The following THSD7A variants were observed in gnomAD, a reference collection of about 807,000 sequenced individuals.
THSD7A encodes thrombospondin type 1 domain containing 7A.
THSD7A carries 96 observed loss-of-function variants against 231.3 expected under a neutral mutation model. That is an observed-to-expected ratio of 0.41 (90% CI 0.35 to 0.49). The LOEUF is 0.49. THSD7A is among the 20% of genes least tolerant of loss of function. THSD7A has a pLI of 0.05. For missense variants in THSD7A, 2,290 were observed against 2,070.2 expected (o/e 1.11, Z -2.06); for synonymous variants, 940 against 743.3 (o/e 1.26, Z -4.30).
intron 8 of THSD7A, among the ~76,000 whole-genome samples, chr7:11,471,413 C>T (rs1015767641): frequency 2.0e-5 from 3 of 151,938 alleles, no homozygotes; most frequent in African/African-American, 7.2e-5. Flanking sequence ...TGAAAAAAGT[C>T]AACATCATTA....
At chr7:11,698,313 C>T (rs1780464805) in intron 1 of THSD7A, among the ~76,000 whole-genome samples, 1 of 151,182 alleles carries the variant, frequency 6.6e-6, no homozygotes, top group Non-Finnish European at 1.5e-5. Context: ...AATAGTGAAT[C>T]TAAGCAGTGA....
intron 12 of THSD7A, 131 bp downstream of exon 12, chr7:11,447,099 A>T: frequency 1.1e-6 from 1 of 890,724 alleles, no homozygotes; most frequent in Non-Finnish European, 1.7e-6. Flanking sequence ...CTGCCAGCTA[A>T]ATTTAAAATA....
chr7:11,571,537 T>C (rs1370769385), intron 4 of THSD7A, among the ~76,000 whole-genome samples: 1 of 152,216 alleles, frequency 6.6e-6, no homozygotes, highest in African/African-American at 2.4e-5. Flanking sequence ...TTACCATTTT[T>C]CTAAAGAAGT....
At chr7:11,543,217 A>G (rs1486540579) in intron 4 of THSD7A, 100 bp from the exon 5 acceptor site, 1 of 1,029,620 alleles carries the variant, frequency 9.7e-7, no homozygotes, top group African/African-American at 1.6e-5. Flanking sequence ...AAATCCTTAA[A>G]GAAGTGCTAC....
intron 6 of THSD7A, among the ~76,000 whole-genome samples, chr7:11,537,292 A>G (rs1012434577): frequency 3.3e-5 from 5 of 152,172 alleles, no homozygotes; most frequent in African/African-American, 1.2e-4. Context: ...CTGGATACTA[A>G]AGTCAATGAT....
At chr7:11,722,784 C>A (rs940796463) in intron 1 of THSD7A, among the ~76,000 whole-genome samples, 7 of 152,000 alleles carry the variant, frequency 4.6e-5, no homozygotes, top group Non-Finnish European at 1.0e-4. Context: ...GAGATACCAT[C>A]TCACACCAGT....
At chr7:11,460,901 A>T in intron 10 of THSD7A, 136 bp from the exon 11 acceptor site, 2 of 636,212 alleles carry the variant, frequency 3.1e-6, no homozygotes, top group Non-Finnish European at 5.5e-6. Context: ...ATCTAAATTT[A>T]ATTTAGATCT....
chr7:11,785,340 GA>G (rs1356696359), intron 1 of THSD7A, among the ~76,000 whole-genome samples: 1 of 152,068 alleles, frequency 6.6e-6, no homozygotes, highest in African/African-American at 2.4e-5. Context: ...GGCCTCAAGT[GA>G]ACCCCCCACC....
chr7:11,668,985 G>A (rs1783267333), intron 1 of THSD7A, among the ~76,000 whole-genome samples: 1 of 152,086 alleles, frequency 6.6e-6, no homozygotes, highest in Admixed American at 6.6e-5. Flanking sequence ...GTGTGCTGTT[G>A]GCTATTACAT....
chr7:11,449,649 G>A (rs191551641), intron 11 of THSD7A, among the ~76,000 whole-genome samples: 2 of 152,116 alleles, frequency 1.3e-5, no homozygotes, highest in East Asian at 1.9e-4. Context: ...TAGTTTAGAA[G>A]AACATCATCT....
intron 1 of THSD7A, among the ~76,000 whole-genome samples, chr7:11,762,936 C>A (rs1782912966): frequency 6.6e-6 from 1 of 152,038 alleles, no homozygotes; most frequent in African/African-American, 2.4e-5. Context: ...TCATTTTTCA[C>A]AGAATTAAAA....
intron 16 of THSD7A, among the ~76,000 whole-genome samples, chr7:11,422,419 G>C (rs1784175677): frequency 6.6e-6 from 1 of 152,006 alleles, no homozygotes; most frequent in African/African-American, 2.4e-5. Context: ...ATAATTTAAG[G>C]GAAGTGTACT....
chr7:11,738,971 C>T (rs1388008178), intron 1 of THSD7A, among the ~76,000 whole-genome samples: 1 of 151,962 alleles, frequency 6.6e-6, no homozygotes, highest in Non-Finnish European at 1.5e-5. Flanking sequence ...GCATGGGAAA[C>T]TAATACAATA....
At chr7:11,660,590 C>T (rs183895608) in intron 1 of THSD7A, among the ~76,000 whole-genome samples, 105 of 151,438 alleles carry the variant, frequency 6.9e-4, no homozygotes, top group African/African-American at 2.2e-3. Context: ...TGATACATTA[C>T]ATTAACAATG....
intron 4 of THSD7A, among the ~76,000 whole-genome samples, chr7:11,547,153 A>T (rs554277049): frequency 1.3e-5 from 2 of 152,330 alleles, no homozygotes; most frequent in Non-Finnish European, 2.9e-5. Context: ...TCCTTAAGGG[A>T]GTGCTAAACA....
At chr7:11,819,334 C>T (rs559573597) in intron 1 of THSD7A, among the ~76,000 whole-genome samples, 50 of 152,192 alleles carry the variant, frequency 3.3e-4, no homozygotes, top group South Asian at 1.2e-3. Flanking sequence ...TTGGTATTTA[C>T]GCAAATGAAC....
At chr7:11,570,377 G>A (rs565285051) in intron 4 of THSD7A, among the ~76,000 whole-genome samples, 2 of 152,016 alleles carry the variant, frequency 1.3e-5, no homozygotes, top group African/African-American at 4.8e-5. Flanking sequence ...GATGAGAAGA[G>A]GATGGTTAAT....
intron 1 of THSD7A, among the ~76,000 whole-genome samples, chr7:11,734,860 T>C (rs1168808935): frequency 3.9e-5 from 6 of 152,052 alleles, no homozygotes; most frequent in Middle Eastern, 6.8e-3. Context: ...TTTTCAACAA[T>C]GCATTTTCCA....
chr7:11,685,762 G>A (rs1391391598), intron 1 of THSD7A, among the ~76,000 whole-genome samples: 4 of 151,864 alleles, frequency 2.6e-5, no homozygotes, highest in Admixed American at 6.6e-5. Context: ...TGCATACACT[G>A]TGGGTGGTAA....
Sources: gnomAD v4.1 joint callset for allele counts (sites outside exome capture counted in the v4.1 genomes callset) on GRCh38, gnomAD v4.1.1 for gene constraint, MANE v1.5 for transcripts, NCBI Gene and HGNC (gene_info 2026-07-23, HGNC 2026-07-21) for gene names.